Variants in RAP1GDS1 observed in about 807,000 individuals in gnomAD.
RAP1GDS1 encodes the protein Rap1 GTPase-GDP dissociation stimulator 1, also known as RAP1, GTP-GDP dissociation stimulator 1.
In RAP1GDS1, 35 loss-of-function variants were observed where a neutral mutation model predicts 71.1. That is an observed-to-expected ratio of 0.49 (90% CI 0.38 to 0.65). The LOEUF (loss-of-function observed/expected upper bound fraction) is 0.65. Among genes scored for constraint, RAP1GDS1 ranks in the 30% least tolerant of loss-of-function variants. RAP1GDS1 has a pLI of 0.00. For synonymous variants in RAP1GDS1, 229 were observed against 243.1 expected (o/e 0.94, Z 0.54); for missense variants, 663 against 706.1 (o/e 0.94, Z 0.69).
chr4:98,301,541 TAC>T lies in RAP1GDS1; in HGVS notation c.112+8028_112+8029del, dbSNP rs529890225. Among the ~76,000 whole-genome samples the T allele has an allele frequency of 6.9e-4, 105 of 152,238 alleles. 1 individual carries two copies. Among genetic ancestry groups the T allele is most frequent in the African/African-American group, 2.4e-3 (98 of 41,536 alleles). On this transcript the variant is annotated intron_variant, in intron 2 of 14. Transcript: ENST00000408927. ...AACTAGGAGACAGACTTCAAATTAT[TAC>T]AGAGATAAATAAATATCCAAATCTA...
intron 2 of RAP1GDS1, among the ~76,000 whole-genome samples, chr4:98,295,157 G>GAGAA (rs914463897): frequency 9.9e-5 from 15 of 152,178 alleles, no homozygotes; most frequent in Middle Eastern, 3.4e-3. Flanking sequence ...AAGAAACACT[G>GAGAA]AGAAGTTCAT....
At chr4:98,361,960 A>G (rs1009276998) in intron 4 of RAP1GDS1, among the ~76,000 whole-genome samples, 2 of 152,218 alleles carry the variant, frequency 1.3e-5, no homozygotes, top group Admixed American at 6.5e-5. Context: ...TTTTATATCT[A>G]GTCTTTCAGG....
chr4:98,402,570 T>A (rs751807122), intron 6 of RAP1GDS1, among the ~76,000 whole-genome samples: 1 of 152,212 alleles, frequency 6.6e-6, no homozygotes, highest in African/African-American at 2.4e-5. Context: ...TGGATTTTTG[T>A]CATTTTGGAA....
intron 4 of RAP1GDS1, among the ~76,000 whole-genome samples, chr4:98,367,085 C>G (rs114804125): frequency 0.041 from 6,307 of 152,144 alleles, 305 homozygotes; most frequent in African/African-American, 0.12. Context: ...GGCCTGGAGG[C>G]CTAGGAAGAA....
At chr4:98,315,212 G>A (rs186447831) in intron 2 of RAP1GDS1, among the ~76,000 whole-genome samples, 1 of 152,128 alleles carries the variant, frequency 6.6e-6, no homozygotes, top group Admixed American at 6.5e-5. Context: ...CTCCATAGTG[G>A]TATCAATCAC....
intron 12 of RAP1GDS1, among the ~76,000 whole-genome samples, chr4:98,425,967 A>G (rs1176036601): frequency 3.3e-5 from 5 of 152,156 alleles, no homozygotes; most frequent in African/African-American, 2.4e-5. Context: ...TAGACCATAT[A>G]ATAGACCACA....
intron 2 of RAP1GDS1, among the ~76,000 whole-genome samples, chr4:98,297,953 A>G (rs1042117939): frequency 2.0e-5 from 3 of 152,230 alleles, no homozygotes; most frequent in Admixed American, 6.5e-5. Flanking sequence ...AAGGAAATTA[A>G]AAGTTCTACT....
chr4:98,392,115 C>T (rs1560948109), intron 6 of RAP1GDS1, 35 bp downstream of exon 6: 1 of 1,572,622 alleles, frequency 6.4e-7, no homozygotes, highest in East Asian at 2.3e-5. Context: ...ATGTAATTAA[C>T]TTATTAATGT....
chr4:98,405,274 A>C (rs1475941341), intron 7 of RAP1GDS1, among the ~76,000 whole-genome samples: 1 of 152,194 alleles, frequency 6.6e-6, no homozygotes, highest in Non-Finnish European at 1.5e-5. Context: ...TAGCAGATTT[A>C]AGAATGAAAT....
Position 98,437,063 on chromosome 4 carries a change from G to T in RAP1GDS1, c.1691G>T (p.Gly564Val), listed in dbSNP as rs1454631601. ...ATGGTCCTGATATGTGCTCTTATGGGATCTGGTAAGTATTCTTCTATCATT... is the reference window on the plus strand; with the variant it reads ...ATGGTCCTGATATGTGCTCTTATGGTATCTGGTAAGTATTCTTCTATCATT... ...NSMVLICALM[G>V]SECLHKEVQD... Residue 564 changes from glycine (G) to valine (V), a missense_variant, in exon 14 of 15, where the codon GGA (glycine) becomes GTA (valine). Gly to Val is a moderately radical substitution (Grantham distance 109, BLOSUM62 -3). Coordinates refer to ENST00000408927, the MANE Select transcript of RAP1GDS1 (RefSeq NM_001100427.2). The T allele has an allele frequency of 6.3e-7, 1 of 1,595,504 alleles. No homozygotes were observed. Among genetic ancestry groups the T allele is most frequent in the East Asian group, 2.3e-5 (1 of 44,308 alleles).
At chr4:98,349,536 G>T (rs1192362033) in intron 3 of RAP1GDS1, among the ~76,000 whole-genome samples, 1 of 152,184 alleles carries the variant, frequency 6.6e-6, no homozygotes, top group Non-Finnish European at 1.5e-5. Flanking sequence ...GGATGGCATT[G>T]AATCTATAAA....
intron 2 of RAP1GDS1, among the ~76,000 whole-genome samples, chr4:98,316,772 T>G (rs1731004481): frequency 6.6e-6 from 1 of 152,110 alleles, no homozygotes; most frequent in Non-Finnish European, 1.5e-5. Context: ...AGTTGAGAAG[T>G]TCTGCATGAG....
chr4:98,400,825 AATT>A (rs1446505645), intron 6 of RAP1GDS1, among the ~76,000 whole-genome samples: 1 of 152,170 alleles, frequency 6.6e-6, no homozygotes, highest in African/African-American at 2.4e-5. Flanking sequence ...CCCCATATAC[AATT>A]ATTATTTGTC....
intron 1 of RAP1GDS1, among the ~76,000 whole-genome samples, chr4:98,292,957 T>G (rs1727184931): frequency 6.6e-6 from 1 of 152,192 alleles, no homozygotes; most frequent in South Asian, 2.1e-4. Context: ...TATCACACTT[T>G]GTATTATTTG....
chr4:98,304,810 G>A (rs112785676), intron 2 of RAP1GDS1, among the ~76,000 whole-genome samples: 2 of 152,000 alleles, frequency 1.3e-5, no homozygotes, highest in African/African-American at 4.8e-5. Context: ...TTTCTTCTAG[G>A]GTTTCATAGT....
chr4:98,328,456 C>T (rs979267940), intron 2 of RAP1GDS1, among the ~76,000 whole-genome samples: 4 of 152,158 alleles, frequency 2.6e-5, no homozygotes, highest in South Asian at 2.1e-4. Flanking sequence ...GTTAGGGCAT[C>T]GGGTGGTTTG....
At chr4:98,318,168 G>A (rs1012133551) in intron 2 of RAP1GDS1, among the ~76,000 whole-genome samples, 3 of 151,964 alleles carry the variant, frequency 2.0e-5, no homozygotes, top group Non-Finnish European at 4.4e-5. Flanking sequence ...CTTGAACACT[G>A]AATCTAGCCA....
chr4:98,411,390 A>G (rs1578785829), intron 7 of RAP1GDS1, among the ~76,000 whole-genome samples: 1 of 152,216 alleles, frequency 6.6e-6, no homozygotes, highest in African/African-American at 2.4e-5. Flanking sequence ...CCAAGGCAGA[A>G]GGATTGCTTG....
At chr4:98,265,971 C>T (rs994835961) in intron 1 of RAP1GDS1, among the ~76,000 whole-genome samples, 1 of 152,050 alleles carries the variant, frequency 6.6e-6, no homozygotes, top group African/African-American at 2.4e-5. Context: ...GGAAACAGTT[C>T]ACTAGGTATA....
Sources: allele counts gnomAD v4.1 joint callset (sites outside exome capture counted in the v4.1 genomes callset), GRCh38; gene constraint gnomAD v4.1.1; transcripts MANE v1.5; gene names NCBI Gene and HGNC (gene_info 2026-07-23, HGNC 2026-07-21).